ZNF780B: variants seen among roughly 807,000 people sequenced by gnomAD.
The protein encoded by ZNF780B is zinc finger protein 779.
Under a neutral mutation model 74.1 loss-of-function variants are expected in ZNF780B, and 52 were observed. That is an observed-to-expected ratio of 0.70 (90% CI 0.56 to 0.88). ZNF780B has a LOEUF of 0.88. ZNF780B is among the 40% of genes least tolerant of loss of function. The pLI is 0.00. For missense variants in ZNF780B, 953 were observed against 1,007.6 expected (o/e 0.95, Z 0.73); for synonymous variants, 315 against 324.3 (o/e 0.97, Z 0.31).
intron 1 of ZNF780B, among the ~76,000 whole-genome samples, chr19:40,050,656 G>A (rs1973183776): frequency 6.6e-6 from 1 of 152,244 alleles, no homozygotes; most frequent in Admixed American, 6.5e-5. Flanking sequence ...CCTTGAAGTT[G>A]TGGCTTCCAG....
chr19:40,045,267 A>G (rs1412010496), intron 4 of ZNF780B, among the ~76,000 whole-genome samples: 1 of 152,174 alleles, frequency 6.6e-6, no homozygotes, highest in Non-Finnish European at 1.5e-5. Context: ...TCACTGTGCC[A>G]CTCTCAGAAT....
At chr19:40,054,250 TG>T (rs1228430709) in intron 1 of ZNF780B, among the ~76,000 whole-genome samples, 2 of 152,130 alleles carry the variant, frequency 1.3e-5, no homozygotes, top group Non-Finnish European at 2.9e-5. Context: ...TGGTGTTGGC[TG>T]GGGAAATGTT....
At chr19:40,050,262 A>G (rs1417756007) in intron 2 of ZNF780B, 62 bp downstream of exon 2, 1 of 1,544,370 alleles carries the variant, frequency 6.5e-7, no homozygotes, top group Non-Finnish European at 8.8e-7. Context: ...GTTTAATAAT[A>G]ACAGTCACCT....
At chr19:40,049,287 G>A (rs556158255) in intron 2 of ZNF780B, among the ~76,000 whole-genome samples, 6 of 149,078 alleles carry the variant, frequency 4.0e-5, no homozygotes, top group Admixed American at 6.7e-5. Flanking sequence ...GAGGAATGCC[G>A]TTAATCCTCA....
At chr19:40,047,083 A>T (rs1297446418) in intron 4 of ZNF780B, among the ~76,000 whole-genome samples, 1 of 152,218 alleles carries the variant, frequency 6.6e-6, no homozygotes, top group Non-Finnish European at 1.5e-5. Context: ...TTAAAAAATA[A>T]TTTTAAAAAC....
intron 4 of ZNF780B, among the ~76,000 whole-genome samples, chr19:40,039,956 G>A (rs1599773789): frequency 6.6e-6 from 1 of 151,922 alleles, no homozygotes; most frequent in Admixed American, 6.6e-5. Context: ...TGTTGAACAG[G>A]AGTGGTGAGA....
At chr19:40,048,154 T>C (rs1182547740) in intron 3 of ZNF780B, among the ~76,000 whole-genome samples, 2 of 152,240 alleles carry the variant, frequency 1.3e-5, no homozygotes, top group African/African-American at 4.8e-5. Flanking sequence ...TGTTTTGTTT[T>C]GTTTTTTTGA....
At chr19:40,051,231 CACAT>C (rs72383592) in intron 1 of ZNF780B, among the ~76,000 whole-genome samples, 9,321 of 151,816 alleles carry the variant, frequency 0.061, 941 homozygotes, top group African/African-American at 0.21. Flanking sequence ...CACACACACA[CACAT>C]ATATACACAC....
In ZNF780B at chr19:40,035,362, T is replaced by C; in HGVS notation, c.1497A>G (p.Lys499=). 1.2e-6 allele frequency: 2 copies of C among 1,613,992 alleles called. No individual in the cohort carries two copies. Among genetic ancestry groups the C allele is most frequent in the South Asian group, 1.1e-5 (1 of 91,070 alleles). The change falls in exon 5 of 5, where the codon AAA becomes AAG. Residue 499 remains lysine (K), a synonymous_variant. Transcript: ENST00000434248. ...TCCCACAGTCTTTACATTCAAATGG[T>C]TTCTCACCAGTATGAATGTTCTTAT... ...ARHKNIHTGE[K]PFECKDCGKA...
intron 4 of ZNF780B, among the ~76,000 whole-genome samples, chr19:40,040,413 T>C (rs1972578123): frequency 6.6e-6 from 1 of 152,346 alleles, no homozygotes; most frequent in East Asian, 1.9e-4. Context: ...ATCAGGATGA[T>C]GCTGGCCTCA....
chr19:40,051,799 A>G (rs1480001755), intron 1 of ZNF780B, among the ~76,000 whole-genome samples: 4 of 152,242 alleles, frequency 2.6e-5, no homozygotes, highest in Non-Finnish European at 5.9e-5. Flanking sequence ...TCTGGAAACT[A>G]CATGAGAAAA....
rs980650810 is a variant in ZNF780B, at chr19:40,047,223, T to C, written c.232+152A>G. 4.3e-5 allele frequency: 29 copies of C among 677,652 alleles called. 1 individual carries two copies. The highest frequency in any genetic ancestry group is 4.0e-4 in the Middle Eastern group (1 of 2,528). The allele number at this position is 677,652 out of a possible 1,614,324, so 42.0% of individuals were successfully genotyped here. On this transcript the variant is annotated intron_variant, in intron 4 of 4. Coordinates refer to ENST00000434248, the MANE Select transcript of ZNF780B (RefSeq NM_001005851.3). ...CAGCTCCTACAGTGATCTTATTTCC[T>C]TCCCAGGTCTTGGGCATTTTTGTCC...
intron 3 of ZNF780B, among the ~76,000 whole-genome samples, chr19:40,048,052 A>G (rs1973016544): frequency 6.6e-6 from 1 of 152,232 alleles, no homozygotes; most frequent in Admixed American, 6.5e-5. Flanking sequence ...CAAAACAAGT[A>G]ACGGAAGGTC....
At chr19:40,045,887 C>T (rs1220872286) in intron 4 of ZNF780B, among the ~76,000 whole-genome samples, 1 of 152,118 alleles carries the variant, frequency 6.6e-6, no homozygotes, top group African/African-American at 2.4e-5. Context: ...ACTCTAGAGG[C>T]TGAGGCAGGA....
In ZNF780B at chr19:40,034,710, G is replaced by C. The variant is rs779684565; in HGVS notation, c.2149C>G (p.Arg717Gly). The change falls in exon 5 of 5, where the codon CGA (arginine) becomes GGA (glycine). Residue 717 changes from arginine (R) to glycine (G), a missense_variant. Coordinates refer to ENST00000434248, the MANE Select transcript of ZNF780B (RefSeq NM_001005851.3). Reference protein sequence around the residue: ...RYHYQLTEHYRIHTGEKPFEC... With the variant: ...RYHYQLTEHYGIHTGEKPFEC... The stretch of plus-strand genomic sequence containing the variant: ...AAGGGTTTCTCACCAGTATGAATTC[G>C]GTAATGTTCAGTAAGCTGGTAATGA... The C allele has an allele frequency of 1.9e-6, 3 of 1,612,236 alleles. No individual in the cohort carries two copies.
rs760627405 is a variant in ZNF780B, at chr19:40,034,388, A to T, written c.2471T>A (p.Leu824Ter). ...VGQPSDISSNLLNIRKFILG is the reference protein window; with the variant it reads ...VGQPSDISSN ...AAGTATGAATTTTCTGATGTTCAGTAAGTTGCTACTGATGTCTGAAGGCTG... is the reference window on the plus strand; with the variant it reads ...AAGTATGAATTTTCTGATGTTCAGTTAGTTGCTACTGATGTCTGAAGGCTG... Residue 824 changes from leucine (L) to a stop codon, truncating the protein, a stop_gained, in exon 5 of 5, where the codon TTA becomes TAA. Transcript: ENST00000434248. LOFTEE classifies it high-confidence loss of function. 6.2e-7 allele frequency: 1 copy of T among 1,610,828 alleles called. No individual in the cohort carries two copies. Among genetic ancestry groups the T allele is most frequent in the Non-Finnish European group, 8.5e-7 (1 of 1,177,970 alleles).
rs1227531071 is a variant in ZNF780B, at chr19:40,039,923, C to T, written c.233-3297G>A. On this transcript the variant is annotated intron_variant, in intron 4 of 4. Coordinates refer to ENST00000434248, the MANE Select transcript of ZNF780B (RefSeq NM_001005851.3). ...TTATTTCCTTCTCCTGCCTAATTGC[C>T]CTGGCCAGAACTTCCAACACTATGT... Among the ~76,000 whole-genome samples the T allele has an allele frequency of 2.6e-5, 4 of 151,858 alleles. No homozygotes were observed. The East Asian group carries it at 7.7e-4, about 29-fold the overall frequency.
Position 40,055,730 on chromosome 19 carries a change from C to T in ZNF780B, c.-46+459G>A, listed in dbSNP as rs558884701. Among the ~76,000 whole-genome samples the T allele has an allele frequency of 2.6e-5, 4 of 152,314 alleles. No individual in the cohort carries two copies. In the East Asian group the frequency reaches 7.7e-4, roughly 29 times the overall value. ...GAGGCACTTCCAGCTCTCATATTCC[C>T]ACCCCGAGTCCAGATCTGCGCCTTC... is the stretch of plus-strand genomic sequence containing the variant. On this transcript the variant is annotated intron_variant, in intron 1 of 4. Transcript: ENST00000434248.
rs1331772576 is a variant in ZNF780B at position 40,036,381 on chromosome 19, T to C, written c.478A>G (p.Asn160Asp). The C allele has an allele frequency of 6.2e-7, 1 of 1,611,502 alleles. No individual in the cohort carries two copies. The highest frequency in any genetic ancestry group is 1.3e-5 in the African/African-American group (1 of 74,942). The change falls in exon 5 of 5, where the codon AAT (asparagine) becomes GAT (aspartate). Residue 160 changes from asparagine to aspartate, a missense_variant. Transcript: ENST00000434248. ...TTACATTCATATGGTTTATGTGTATTATGAATAGGAGAAGCATGAGTATAA... is the reference window on the plus strand; with the variant it reads ...TTACATTCATATGGTTTATGTGTATCATGAATAGGAGAAGCATGAGTATAA... ...PAYTHASPIH[N>D]THKPYECKEC...
Sources: gnomAD v4.1 joint callset for allele counts (sites outside exome capture counted in the v4.1 genomes callset) on GRCh38, gnomAD v4.1.1 for gene constraint, MANE v1.5 for transcripts, NCBI Gene and HGNC (gene_info 2026-07-23, HGNC 2026-07-21) for gene names.